SYNE1: variants seen among roughly 807,000 people sequenced by gnomAD.
The protein encoded by SYNE1 is spectrin repeat containing nuclear envelope protein 1.
Under a neutral mutation model 1,111.0 loss-of-function variants are expected in SYNE1, and 616 were observed. The observed-to-expected ratio is 0.55, with a 90% confidence interval of 0.52 to 0.59. SYNE1 has a LOEUF of 0.59. Among genes scored for constraint, SYNE1 ranks in the 20% least tolerant of loss-of-function variants. The probability of loss-of-function intolerance (pLI) is 0.00; values close to 1 mark genes in which losing one functional copy is unlikely to be tolerated. For missense variants in SYNE1, 10,006 were observed against 10,417.0 expected, an observed-to-expected ratio of 0.96 and a Z score of 1.72; for synonymous variants, 3,855 against 3,825.8, an observed-to-expected ratio of 1.01 and a Z score of -0.28.
intron 113 of SYNE1, 108 bp from the exon 114 acceptor site, chr6:152,231,675 C>A: frequency 8.3e-7 from 1 of 1,209,158 alleles, no homozygotes; most frequent in Non-Finnish European, 1.2e-6. Flanking sequence ...ACTTCCATAA[C>A]TCAGCTGAAA....
chr6:152,418,229 A>T (rs1459427612), intron 40 of SYNE1, among the ~76,000 whole-genome samples: 1 of 152,154 alleles, frequency 6.6e-6, no homozygotes, highest in African/African-American at 2.4e-5. Flanking sequence ...AGCTCTGGCC[A>T]GTTTTTTCTA....
chr6:152,621,997 A>T (rs75047023), intron 3 of SYNE1, among the ~76,000 whole-genome samples: 10,721 of 152,272 alleles, frequency 0.07, 625 homozygotes, highest in East Asian at 0.16. Flanking sequence ...AATTGCCTTG[A>T]TCAATTTTAT....
chr6:152,458,869 T>A lies in SYNE1; in HGVS notation c.2456A>T (p.Glu819Val). The A allele has an allele frequency of 6.2e-7, 1 of 1,614,014 alleles. No homozygotes were observed. Among genetic ancestry groups the A allele is most frequent in the Non-Finnish European group, 8.5e-7 (1 of 1,179,970 alleles). ...ESQQLLIPLE[E>V]LEKQMTSFYD... ...AAAGGACGTCATCTGCTTTTCTAATTCCTCCAACGGAATCAACAGCTGCTG... is the reference window on the plus strand; with the variant it reads ...AAAGGACGTCATCTGCTTTTCTAATACCTCCAACGGAATCAACAGCTGCTG... Residue 819 changes from glutamate to valine, a missense_variant, in exon 22 of 146, where the codon GAA becomes GTA. Physicochemically the swap from Glu to Val is moderately radical, Grantham distance 121. This residue lies in a region of SYNE1 where 1,971 missense variants were observed against 2,084.1 expected (regional missense o/e 0.95). Coordinates refer to ENST00000367255, the MANE Select transcript of SYNE1 (RefSeq NM_182961.4).
At chr6:152,367,888 C>T (rs1343684801) in intron 61 of SYNE1, 1 of 162,542 alleles carries the variant, frequency 6.2e-6, no homozygotes, top group Admixed American at 5.8e-5. Context: ...CAAGAATAAT[C>T]TACAGCTCTC....
intron 99 of SYNE1, among the ~76,000 whole-genome samples, chr6:152,268,438 T>C (rs1589081076): frequency 6.8e-6 from 1 of 146,482 alleles, no homozygotes; most frequent in Admixed American, 6.8e-5. Context: ...TGCCGGGCAA[T>C]AGTGCCCTCA....
intron 93 of SYNE1, among the ~76,000 whole-genome samples, chr6:152,297,822 T>TGC (rs66459713): frequency 6.0e-5 from 3 of 49,842 alleles, no homozygotes; most frequent in East Asian, 5.2e-4. Flanking sequence ...TGTGTGTGTG[T>TGC]GCGCGCGCAC....
At chr6:152,225,606 G>T in intron 116 of SYNE1, 115 bp downstream of exon 116, 1 of 1,241,802 alleles carries the variant, frequency 8.1e-7, no homozygotes, top group South Asian at 1.3e-5. Flanking sequence ...AAAGTACAAG[G>T]AGATAATGTA....
rs184071307 is a variant in SYNE1 at position 152,334,503 on chromosome 6, C to T, written c.12529-230G>A. On this transcript the variant is annotated intron_variant, in intron 76 of 145. Transcript: ENST00000367255. ...AGATTCAGGGTAGCTGTGGTATATT[C>T]TTTTATTGTACTATTCCAAGAGGCA... 1.2e-3 allele frequency among the ~76,000 whole-genome samples: 189 copies of T among 152,278 alleles called. 1 individual carries two copies. Among genetic ancestry groups the T allele is most frequent in the African/African-American group, 4.3e-3 (177 of 41,558 alleles).
chr6:152,206,209 G>A lies in SYNE1; in HGVS notation c.22978C>T (p.Arg7660Trp), dbSNP rs202017153. 2.9e-5 allele frequency: 46 copies of A among 1,613,420 alleles called. No homozygotes were observed. In the East Asian group the frequency reaches 5.1e-4, roughly 18 times the overall value. Residue 7660 changes from arginine (R) to tryptophan (W), a missense_variant, in exon 126 of 146, where the codon CGG becomes TGG. Physicochemically the swap from Arg to Trp is moderately radical, Grantham distance 101. Transcript: ENST00000367255. ...AGTTTTTTCTTCTGTTCTTCCAGCCGCATGCTGGCTGATTTCCATTTCTCT... is the reference window on the plus strand; with the variant it reads ...AGTTTTTTCTTCTGTTCTTCCAGCCACATGCTGGCTGATTTCCATTTCTCT... Reference protein sequence around the residue: ...IQEKWKSASMRLEEQKKKLAF... With the variant: ...IQEKWKSASMWLEEQKKKLAF...
At chr6:152,358,613 T>A in intron 65 of SYNE1, 76 bp from the exon 66 acceptor site, 1 of 1,484,822 alleles carries the variant, frequency 6.7e-7, no homozygotes, top group South Asian at 1.2e-5. Flanking sequence ...AATTCACTTT[T>A]GTAATTTTAG....
chr6:152,326,603 G>T lies in SYNE1; in HGVS notation c.14986C>A (p.Gln4996Lys). 6.2e-7 allele frequency: 1 copy of T among 1,614,032 alleles called. No homozygotes were observed. Among genetic ancestry groups the T allele is most frequent in the South Asian group, 1.1e-5 (1 of 91,060 alleles). Reference sequence around the variant, plus strand: ...GCTTGAAATACCTGATAATACCTTTGACACTGGCTATATATTTCAGTCAAG... The same window carrying T: ...GCTTGAAATACCTGATAATACCTTTTACACTGGCTATATATTTCAGTCAAG... ...ATLTEIYSQC[Q>K]RYYQVFQAAN... Residue 4996 changes from glutamine to lysine, a missense_variant, in exon 79 of 146, where the codon CAA (glutamine) becomes AAA (lysine). By Grantham distance (53) the Gln-to-Lys change is moderately conservative. Transcript: ENST00000367255.
intron 51 of SYNE1, among the ~76,000 whole-genome samples, chr6:152,393,063 A>G (rs1192334131): frequency 6.6e-6 from 1 of 152,182 alleles, no homozygotes; most frequent in African/African-American, 2.4e-5. Context: ...GGATGGAGAG[A>G]AAGCACCCAG....
Position 152,510,348 on chromosome 6 carries a change from C to A in SYNE1, c.426G>T (p.Leu142=). The change falls in exon 8 of 146, where the codon CTG becomes CTT. Residue 142 remains leucine, a synonymous_variant. Coordinates refer to ENST00000367255, the MANE Select transcript of SYNE1 (RefSeq NM_182961.4). ...TGCTGGACAAAGACTGGAGCTGGGG[C>A]AGGTTGCTGGTCAACTCTTCAATCT... ...YFQIEELTSN[L]PQLQSLSSSA... 1 of 1,613,910 alleles carries A rather than the reference C, an allele frequency of 6.2e-7. No homozygotes were observed. The highest frequency in any genetic ancestry group is 8.5e-7 in the Non-Finnish European group (1 of 1,179,940).
chr6:152,242,114 G>T, intron 107 of SYNE1, 126 bp downstream of exon 107: 1 of 998,292 alleles, frequency 1.0e-6, no homozygotes, highest in Non-Finnish European at 1.5e-6. Flanking sequence ...CATTTTTAAA[G>T]AATAACTTAT....
intron 27 of SYNE1, among the ~76,000 whole-genome samples, chr6:152,449,953 G>C (rs543669350): frequency 6.6e-6 from 1 of 152,300 alleles, no homozygotes; most frequent in African/African-American, 2.4e-5. Flanking sequence ...CCCCACCAGG[G>C]TGAGACACGA....
intron 3 of SYNE1, among the ~76,000 whole-genome samples, chr6:152,617,461 G>A (rs1388844171): frequency 6.6e-6 from 1 of 152,170 alleles, no homozygotes; most frequent in South Asian, 2.1e-4. Flanking sequence ...AGGAAACAAA[G>A]TCTGTAAGTT....
chr6:152,135,077 G>A (rs1396869164), intron 142 of SYNE1, 27 bp downstream of exon 142: 1 of 1,613,724 alleles, frequency 6.2e-7, no homozygotes, highest in Non-Finnish European at 8.5e-7. Context: ...AAAATAACTG[G>A]AGGCTGCCAG....
chr6:152,252,038 G>A (rs1272215976), intron 104 of SYNE1, among the ~76,000 whole-genome samples: 1 of 152,214 alleles, frequency 6.6e-6, no homozygotes, highest in Non-Finnish European at 1.5e-5. Context: ...GGGAGGTGGA[G>A]GCAGGCAGAT....
chr6:152,539,847 A>AAG, intron 4 of SYNE1, 113 bp downstream of exon 4: 1 of 1,145,074 alleles, frequency 8.7e-7, no homozygotes, highest in East Asian at 2.3e-5. Context: ...AGATTACAGT[A>AAG]TCATTGATTC....
Sources: gnomAD v4.1 joint callset for allele counts (sites outside exome capture counted in the v4.1 genomes callset) on GRCh38, gnomAD v4.1.1 for gene constraint, gnomAD v4.1.1 regional missense constraint, MANE v1.5 for transcripts, NCBI Gene and HGNC (gene_info 2026-07-23, HGNC 2026-07-21) for gene names.